The following CNTNAP5 variants were observed in gnomAD, a reference collection of about 807,000 sequenced individuals.
CNTNAP5 encodes the protein contactin associated protein family member 5, also known as contactin-associated protein-like 5.
Under a neutral mutation model 150.2 loss-of-function variants are expected in CNTNAP5, and 72 were observed. The ratio of observed to expected loss-of-function variants is 0.48; its 90% CI spans 0.40 to 0.58. The LOEUF (loss-of-function observed/expected upper bound fraction) is 0.58, where lower values mean the gene tolerates loss of function less well. CNTNAP5 is among the 20% of genes least tolerant of loss of function. The pLI is 0.00. For missense variants in CNTNAP5, 1,636 were observed against 1,626.2 expected (o/e 1.01, Z -0.10); for synonymous variants, 672 against 619.8 (o/e 1.08, Z -1.25).
chr2:124,131,422 A>G (rs1215211635), intron 1 of CNTNAP5, among the ~76,000 whole-genome samples: 1 of 152,172 alleles, frequency 6.6e-6, no homozygotes, highest in Non-Finnish European at 1.5e-5. Flanking sequence ...GCATTTGCAG[A>G]TGAGGAAATG....
intron 13 of CNTNAP5, among the ~76,000 whole-genome samples, chr2:124,670,133 T>TTTCC (rs796656346): frequency 0.084 from 9,488 of 112,506 alleles, 549 homozygotes; most frequent in East Asian, 0.17. Context: ...TCCTTCCTTC[T>TTTCC]TTCCTTCCTT....
At chr2:124,358,616 G>T (rs2104711290) in intron 3 of CNTNAP5, among the ~76,000 whole-genome samples, 1 of 152,252 alleles carries the variant, frequency 6.6e-6, no homozygotes, top group South Asian at 2.1e-4. Flanking sequence ...TTACTGATTT[G>T]CATATATTGA....
rs770399256 is a variant in CNTNAP5, at chr2:124,417,437, C to T, written c.382-6C>T. On this transcript the variant is annotated splice_region_variant and splice_polypyrimidine_tract_variant and intron_variant, in intron 3 of 23. Coordinates refer to ENST00000682447, the MANE Select transcript of CNTNAP5 (RefSeq NM_001367498.1). Reference sequence around the variant, plus strand: ...GACCTCACTGCCTCTCCTTTCTTCTCTGCAGACCTTTGCAGGAAACATGAA... The same window carrying T: ...GACCTCACTGCCTCTCCTTTCTTCTTTGCAGACCTTTGCAGGAAACATGAA... 3.1e-6 allele frequency: 5 copies of T among 1,613,590 alleles called. No homozygotes were observed. The East Asian group carries it at 1.1e-4, about 36-fold the overall frequency.
chr2:124,494,064 GTGTGTGTGTGTGTGTGTC>G (rs1694094148), intron 7 of CNTNAP5, among the ~76,000 whole-genome samples: 1 of 144,768 alleles, frequency 6.9e-6, no homozygotes, highest in South Asian at 2.2e-4. Context: ...ATAGGAGACT[GTGTGTGTGTGTGTGTGTC>G]TGTGTGTGTG....
At chr2:124,105,868 T>A (rs547809408) in intron 1 of CNTNAP5, among the ~76,000 whole-genome samples, 1 of 152,182 alleles carries the variant, frequency 6.6e-6, no homozygotes, top group African/African-American at 2.4e-5. Flanking sequence ...TAGTGATTAT[T>A]TTTTTGAGAA....
intron 6 of CNTNAP5, among the ~76,000 whole-genome samples, chr2:124,450,797 C>G (rs1692949288): frequency 6.6e-6 from 1 of 151,076 alleles, no homozygotes; most frequent in South Asian, 2.1e-4. Flanking sequence ...CTTTTCTTAT[C>G]AAAAGTGCTC....
At chr2:124,905,231 A>C (rs1678511246) in intron 22 of CNTNAP5, among the ~76,000 whole-genome samples, 1 of 151,362 alleles carries the variant, frequency 6.6e-6, no homozygotes, top group Admixed American at 6.6e-5. Flanking sequence ...CCACAATGAG[A>C]TGTCACCTCA....
At chr2:124,151,575 TA>T (rs2104634628) in intron 1 of CNTNAP5, among the ~76,000 whole-genome samples, 2 of 152,340 alleles carry the variant, frequency 1.3e-5, no homozygotes, top group East Asian at 1.9e-4. Context: ...TTTCAGCACT[TA>T]AAAAATGTTC....
chr2:124,044,785 T>C (rs17010758), intron 1 of CNTNAP5, among the ~76,000 whole-genome samples: 7,124 of 151,992 alleles, frequency 0.047, 238 homozygotes, highest in East Asian at 0.13. Context: ...CTTGGCATGT[T>C]TGAGGACACA....
intron 21 of CNTNAP5, among the ~76,000 whole-genome samples, chr2:124,889,819 T>C (rs568658944): frequency 2.6e-5 from 4 of 152,174 alleles, no homozygotes; most frequent in Admixed American, 6.5e-5. Flanking sequence ...TTTATTAAAG[T>C]ATTTGAGTGA....
intron 3 of CNTNAP5, among the ~76,000 whole-genome samples, chr2:124,314,532 T>C (rs1232637638): frequency 6.6e-6 from 1 of 152,208 alleles, no homozygotes; most frequent in African/African-American, 2.4e-5. Flanking sequence ...GGGCCTTCAC[T>C]TGATTATGTC....
chr2:124,374,654 CAA>C (rs1486532105), intron 3 of CNTNAP5, among the ~76,000 whole-genome samples: 1 of 152,128 alleles, frequency 6.6e-6, no homozygotes, highest in African/African-American at 2.4e-5. Context: ...CTCATCACTA[CAA>C]GTTAGTAAGA....
At chr2:124,124,281 A>G (rs189987010) in intron 1 of CNTNAP5, among the ~76,000 whole-genome samples, 9 of 152,316 alleles carry the variant, frequency 5.9e-5, no homozygotes, top group Non-Finnish European at 1.0e-4. Flanking sequence ...GCTTCAGTAG[A>G]TGATTTGATC....
chr2:124,877,716 C>A (rs56705746), intron 21 of CNTNAP5, among the ~76,000 whole-genome samples: 2,579 of 152,110 alleles, frequency 0.017, 56 homozygotes, highest in African/African-American at 0.054. Flanking sequence ...TAAAGTTTTT[C>A]AAGGTTTTGA....
rs988470530 is a variant in CNTNAP5, at chr2:124,919,487, G to A, written c.*5199G>A. Among the ~76,000 whole-genome samples the A allele has an allele frequency of 2.0e-5, 3 of 152,078 alleles. No individual in the cohort carries two copies. The highest frequency in any genetic ancestry group is 1.3e-4 in the Admixed American group (2 of 15,250). ...GTTGGTTTTGGTTTCAACCACACCT[G>A]CTGCGAACTTGACGAGGAGGAAGAG... On this transcript the variant is annotated 3_prime_UTR_variant, in exon 24 of 24. Transcript: ENST00000682447.
intron 11 of CNTNAP5, among the ~76,000 whole-genome samples, chr2:124,605,821 AAAAAAAAAAAAAG>A (rs537697171): frequency 2.3e-3 from 345 of 149,492 alleles, no homozygotes; most frequent in Non-Finnish European, 4.1e-3. Context: ...AAAAAAAAAA[AAAAAAAAAAAAAG>A]AAGGAAAGAA....
At chr2:124,743,685 A>G (rs926045842) in intron 13 of CNTNAP5, among the ~76,000 whole-genome samples, 3 of 152,234 alleles carry the variant, frequency 2.0e-5, no homozygotes, top group African/African-American at 7.2e-5. Context: ...CAGCATCTTC[A>G]TAATAATACA....
At chr2:124,811,958 A>G (rs867294042) in intron 19 of CNTNAP5, among the ~76,000 whole-genome samples, 3 of 108,696 alleles carry the variant, frequency 2.8e-5, no homozygotes, top group Admixed American at 1.4e-4. Flanking sequence ...ATATATATAT[A>G]TATATTTTTT....
intron 21 of CNTNAP5, among the ~76,000 whole-genome samples, chr2:124,892,924 A>T (rs200287235): frequency 1.3e-5 from 2 of 152,122 alleles, no homozygotes; most frequent in Non-Finnish European, 2.9e-5. Flanking sequence ...ATCATCACGC[A>T]TTATCACCTT....
Sources: gnomAD v4.1 joint callset for allele counts (sites outside exome capture counted in the v4.1 genomes callset) on GRCh38, gnomAD v4.1.1 for gene constraint, MANE v1.5 for transcripts, NCBI Gene and HGNC (gene_info 2026-07-23, HGNC 2026-07-21) for gene names.